The following SVIL variants were observed in gnomAD, a reference collection of about 807,000 sequenced individuals.
The protein encoded by SVIL is archvillin.
Under a neutral mutation model 240.4 loss-of-function variants are expected in SVIL, and 101 were observed. That is an observed-to-expected ratio of 0.42 (90% confidence interval 0.36 to 0.50). SVIL has a LOEUF of 0.50. Ranked by LOEUF, SVIL falls within the 20% of genes least tolerant of loss-of-function variation. SVIL has a pLI of 0.01. For synonymous variants in SVIL, 999 were observed against 1,100.0 expected, an observed-to-expected ratio of 0.91 and a Z score of 1.82; for missense variants, 2,512 against 2,818.7, an observed-to-expected ratio of 0.89 and a Z score of 2.46.
Position 29,476,212 on chromosome 10 carries a change from G to A in SVIL, c.5378-2223C>T, listed in dbSNP as rs1004678261. Among the ~76,000 whole-genome samples, 4 of 152,306 alleles carry A rather than the reference G, an allele frequency of 2.6e-5. No individual in the cohort carries two copies. The East Asian group carries it at 7.7e-4, about 29-fold the overall frequency. On this transcript the variant is annotated intron_variant, in intron 29 of 37. Transcript: ENST00000355867. Reference sequence around the variant, plus strand: ...GAATAGCAATCCCATTCTTCAAATAGTGAACATTTGTTGCACTAAATAGAT... The same window carrying A: ...GAATAGCAATCCCATTCTTCAAATAATGAACATTTGTTGCACTAAATAGAT...
rs1203663871 is a variant in SVIL, at chr10:29,604,374, T to A, written c.-201+30046A>T. Among the ~76,000 whole-genome samples the A allele has an allele frequency of 8.8e-4, 121 of 137,502 alleles. 1 individual carries two copies. The South Asian group carries it at 0.028, about 32-fold the overall frequency. 90.2% of individuals were successfully genotyped at this position (137,502 alleles called of 152,430 possible). ...GCCACCATGTCTGGCTTTTTTTTTT[T>A]TTTTTTTTTTTTTTTTTGGTATTTT... On this transcript the variant is annotated intron_variant, in intron 1 of 37. Transcript: ENST00000355867.
chr10:29,636,157 T>A (rs558656085), upstream of SVIL, among the ~76,000 whole-genome samples: 3 of 152,118 alleles, frequency 2.0e-5, no homozygotes, highest in East Asian at 5.8e-4. Context: ...TTTCATAGCA[T>A]GGCTTTTGCA....
intron 2 of SVIL, among the ~76,000 whole-genome samples, chr10:29,671,737 C>T (rs1341934562): frequency 1.3e-5 from 2 of 152,146 alleles, no homozygotes; most frequent in South Asian, 2.1e-4. Flanking sequence ...ATCTCTATTC[C>T]TATTTTTTTA....
At chr10:29,705,485 T>C in intron 1 of SVIL, among the ~76,000 whole-genome samples, 1 of 152,218 alleles carries the variant, frequency 6.6e-6, no homozygotes, top group South Asian at 2.1e-4. Context: ...TCAAATCTTT[T>C]TTTTTTTTAA....
chr10:29,612,804 T>C (rs148833918), intron 1 of SVIL, among the ~76,000 whole-genome samples: 1 of 152,160 alleles, frequency 6.6e-6, no homozygotes, highest in Non-Finnish European at 1.5e-5. Flanking sequence ...ACAGGACAAT[T>C]AGGACAATGT....
chr10:29,574,975 G>T (rs1198630154), intron 1 of SVIL, among the ~76,000 whole-genome samples: 1 of 152,232 alleles, frequency 6.6e-6, no homozygotes, highest in Non-Finnish European at 1.5e-5. Context: ...TGTCCCTGGT[G>T]GGGTGTGGGT....
intron 32 of SVIL, 138 bp from the exon 33 acceptor site, chr10:29,468,013 T>C: frequency 3.1e-6 from 3 of 971,418 alleles, no homozygotes; most frequent in South Asian, 3.5e-5. Context: ...TCACTCTTTT[T>C]ATGTGTACAG....
chr10:29,696,589 C>G (rs546415923), intron 1 of SVIL, among the ~76,000 whole-genome samples: 1 of 150,990 alleles, frequency 6.6e-6, no homozygotes, highest in South Asian at 2.1e-4. Context: ...ATGTGGGGAG[C>G]GCCTCTGCCC....
At chr10:29,549,108 A>G (rs1283900384) in intron 6 of SVIL, among the ~76,000 whole-genome samples, 1 of 151,108 alleles carries the variant, frequency 6.6e-6, no homozygotes, top group African/African-American at 2.4e-5. Flanking sequence ...AATTTTCACA[A>G]CCTACTCATC....
chr10:29,475,846 C>T (rs1471213121), intron 29 of SVIL, among the ~76,000 whole-genome samples: 1 of 152,144 alleles, frequency 6.6e-6, no homozygotes, highest in Non-Finnish European at 1.5e-5. Context: ...AGCTCCAATC[C>T]CATTTCCAAC....
At chr10:29,715,667 A>G (rs946029573) in intron 1 of SVIL, among the ~76,000 whole-genome samples, 1 of 152,208 alleles carries the variant, frequency 6.6e-6, no homozygotes, top group African/African-American at 2.4e-5. Context: ...GAAGTTGTCC[A>G]AGAGTCATGG....
chr10:29,506,656 TG>T (rs1564534787), intron 17 of SVIL, among the ~76,000 whole-genome samples: 7 of 134,982 alleles, frequency 5.2e-5, no homozygotes, highest in South Asian at 2.5e-4. Context: ...ACAGAGGCCC[TG>T]GAGGGAGGGG....
chr10:29,470,513 T>G (rs1945443329), intron 31 of SVIL, 30 bp from the exon 32 acceptor site: 1 of 1,612,258 alleles, frequency 6.2e-7, no homozygotes, highest in African/African-American at 1.3e-5. Flanking sequence ...CGCGGAGGAG[T>G]TAGCACGTGA....
chr10:29,541,954 G>A (rs1952197825), intron 6 of SVIL, among the ~76,000 whole-genome samples: 1 of 152,176 alleles, frequency 6.6e-6, no homozygotes. Flanking sequence ...AAAGAGCTTT[G>A]TCGTATAAAC....
intron 32 of SVIL, 48 bp from the exon 33 acceptor site, chr10:29,467,923 G>C (rs1222010539): frequency 6.3e-7 from 1 of 1,591,076 alleles, no homozygotes; most frequent in Non-Finnish European, 8.6e-7. Flanking sequence ...GGAGAGTGCT[G>C]GTGACCCAAA....
At chr10:29,595,276 G>A (rs1018075929) in intron 1 of SVIL, among the ~76,000 whole-genome samples, 2 of 152,244 alleles carry the variant, frequency 1.3e-5, no homozygotes, top group Non-Finnish European at 1.5e-5. Context: ...GGGAAGCTGA[G>A]AAATGAGACA....
At chr10:29,625,588 C>T (rs1001892285) in intron 1 of SVIL, among the ~76,000 whole-genome samples, 33 of 152,100 alleles carry the variant, frequency 2.2e-4, no homozygotes, top group Non-Finnish European at 4.9e-4. Flanking sequence ...CTCAGCCTCC[C>T]GAGTAGCTGG....
chr10:29,658,151 CTG>C (rs1203443336), intron 2 of SVIL: 1 of 152,196 alleles, frequency 6.6e-6, no homozygotes. Flanking sequence ...ACGAATGAAA[CTG>C]GATACTCTGC....
intron 1 of SVIL, among the ~76,000 whole-genome samples, chr10:29,727,748 A>C (rs1414500339): frequency 7.9e-5 from 12 of 152,046 alleles, no homozygotes; most frequent in African/African-American, 2.9e-4. Flanking sequence ...CACAAAAAAA[A>C]AAAAAAAAGA....
Sources: gnomAD v4.1 joint callset for allele counts (sites outside exome capture counted in the v4.1 genomes callset) on GRCh38, gnomAD v4.1.1 for gene constraint, MANE v1.5 for transcripts, NCBI Gene and HGNC (gene_info 2026-07-23, HGNC 2026-07-21) for gene names.